Variants in PPL observed in about 807,000 individuals in gnomAD.
PPL encodes the protein 190 kDa paraneoplastic pemphigus antigen.
In PPL, 198 loss-of-function variants were observed where a neutral mutation model predicts 194.4. That is an observed-to-expected ratio of 1.02 (90% CI 0.91 to 1.15). The LOEUF (loss-of-function observed/expected upper bound fraction) is 1.15. Among genes scored for constraint, PPL ranks in the 50% most tolerant of loss-of-function variants. PPL has a pLI of 0.00. For missense variants in PPL, 2,885 were observed against 2,294.8 expected (o/e 1.26, Z -5.25); for synonymous variants, 1,220 against 972.4 (o/e 1.25, Z -4.74).
chr16:4,936,817 C>G (rs556936696), intron 1 of PPL, among the ~76,000 whole-genome samples, 167 bp downstream of exon 1: 2 of 152,210 alleles, frequency 1.3e-5, no homozygotes, highest in African/African-American at 4.8e-5. Flanking sequence ...TTCCCAGCTT[C>G]AGGGTGGCCT....
chr16:4,922,021 C>T (rs1294334055), intron 1 of PPL, among the ~76,000 whole-genome samples: 1 of 151,340 alleles, frequency 6.6e-6, no homozygotes, highest in Non-Finnish European at 1.5e-5. Context: ...GGGACCCTCG[C>T]TCTCCACCTC....
chr16:4,888,421 T>A (rs934072500), intron 19 of PPL, among the ~76,000 whole-genome samples: 4 of 152,186 alleles, frequency 2.6e-5, no homozygotes, highest in African/African-American at 9.7e-5. Flanking sequence ...AGTACATAGC[T>A]CCATCACTCA....
rs202034798 is a variant in PPL, at chr16:4,892,125, C to G, written c.1739G>C (p.Ser580Thr). 217 of 1,613,500 alleles carry G rather than the reference C, an allele frequency of 1.3e-4. 1 individual carries two copies. The East Asian group carries it at 4.5e-3, about 33-fold the overall frequency. Residue 580 changes from serine (S) to threonine (T), a missense_variant, in exon 15 of 22, where the codon AGT becomes ACT. Physicochemically the swap from Ser to Thr is moderately conservative, Grantham distance 58 (BLOSUM62 1). Coordinates refer to ENST00000345988, the MANE Select transcript of PPL (RefSeq NM_002705.5). The stretch of plus-strand genomic sequence containing the variant: ...GGTCCTCAGCAGGGGTGTGGTGCCA[C>G]TGCCTGGGAGGGCCTGGATGAAGGC... ...GEAFIQALPGSGTTPLLRTRV... is the reference protein window; with the variant it reads ...GEAFIQALPGTGTTPLLRTRV...
In PPL at chr16:4,888,101, C is replaced by T; in HGVS notation, c.2514+1G>A. The T allele has an allele frequency of 6.2e-7, 1 of 1,611,012 alleles. No homozygotes were observed. Among genetic ancestry groups the T allele is most frequent in the Non-Finnish European group, 8.5e-7 (1 of 1,177,168 alleles). On this transcript the variant is annotated splice_donor_variant, in intron 20 of 21. Transcript: ENST00000345988. LOFTEE classifies it high-confidence loss of function. ...GAGGCCGCCTGGCCCATGGAACTCACCTCTTCCTTCACTTTGGTGGCAGGA... is the reference window on the plus strand; with the variant it reads ...GAGGCCGCCTGGCCCATGGAACTCATCTCTTCCTTCACTTTGGTGGCAGGA...
At position 4,903,941 on chromosome 16, in the gene PPL, C is replaced by G. The variant is rs1265722141; in HGVS notation, c.262G>C (p.Asp88His). 1.9e-5 allele frequency: 30 copies of G among 1,614,108 alleles called. No homozygotes were observed. Among genetic ancestry groups the G allele is most frequent in the Non-Finnish European group, 2.5e-5 (30 of 1,180,036 alleles). ...SEKLLYVLEADAAIAKHMKHP... is the reference protein window; with the variant it reads ...SEKLLYVLEAHAAIAKHMKHP... ...TTCATGTGCTTGGCAATGGCCGCAT[C>G]CGCCTCTAGCACATAGAGCAGCTTC... Residue 88 changes from aspartate (D) to histidine (H), a missense_variant, in exon 3 of 22, where the codon GAT becomes CAT. Transcript: ENST00000345988.
At position 4,893,585 on chromosome 16, in the gene PPL, G is replaced by C; in HGVS notation, c.1448C>G (p.Thr483Arg). 6.2e-7 allele frequency: 1 copy of C among 1,611,326 alleles called. No individual in the cohort carries two copies. The highest frequency in any genetic ancestry group is 8.5e-7 in the Non-Finnish European group (1 of 1,179,596). Residue 483 changes from threonine (T) to arginine (R), a missense_variant, in exon 13 of 22, where the codon ACG becomes AGG. Coordinates refer to ENST00000345988, the MANE Select transcript of PPL (RefSeq NM_002705.5). ...CAGCACCTCATACCGCTGCTGCAGC[G>C]TGCGTTTGCTCCCAGCTGCCTTCTG... ...VRQKAAGSKR[T>R]LQQRYEVLKT... is the part of the protein sequence containing the mutation.
intron 1 of PPL, among the ~76,000 whole-genome samples, chr16:4,926,891 A>C (rs1293579120): frequency 8.6e-6 from 1 of 115,966 alleles, no homozygotes; most frequent in Non-Finnish European, 1.9e-5. Flanking sequence ...AAAAAAAAAA[A>C]ACAAAAAAAA....
chr16:4,918,147 G>A (rs756641391), intron 1 of PPL, among the ~76,000 whole-genome samples: 4 of 151,956 alleles, frequency 2.6e-5, no homozygotes, highest in Non-Finnish European at 5.9e-5. Context: ...ACAAAAATTA[G>A]CCAGGCATGA....
At chr16:4,935,370 G>A (rs1236273415) in intron 1 of PPL, among the ~76,000 whole-genome samples, 1 of 152,170 alleles carries the variant, frequency 6.6e-6, no homozygotes, top group Non-Finnish European at 1.5e-5. Context: ...GTGTCTGCAT[G>A]TGTGAAGGAC....
At chr16:4,928,427 C>T (rs559458796) in intron 1 of PPL, among the ~76,000 whole-genome samples, 4 of 152,314 alleles carry the variant, frequency 2.6e-5, no homozygotes, top group Non-Finnish European at 4.4e-5. Flanking sequence ...CTGGCCGCCC[C>T]GCCCATCCTT....
In PPL at chr16:4,885,124, G is replaced by A. The variant is rs969984761; in HGVS notation, c.3531C>T (p.Ile1177=). The change falls in exon 22 of 22, where the codon ATC becomes ATT. Residue 1177 remains isoleucine, a synonymous_variant. Coordinates refer to ENST00000345988, the MANE Select transcript of PPL (RefSeq NM_002705.5). This position sits in a 1 kb window ranked among gnomAD's most constrained non-coding sequence, Gnocchi z 6.3. ...TTTCCGCCTTGGGGTCTGGCCGCAC[G>A]ATCTCCCGCACCTTCTCCTGCACCA... The part of the protein sequence containing the change: ...KVVVQEKVRE[I]VRPDPKAESE... 8.7e-6 allele frequency: 14 copies of A among 1,613,784 alleles called. No homozygotes were observed. The highest frequency in any genetic ancestry group is 1.1e-5 in the Non-Finnish European group (13 of 1,180,024).
rs1219058432 is a variant in PPL at position 4,884,341 on chromosome 16, A to G, written c.4314T>C (p.Arg1438=). The change falls in exon 22 of 22, where the codon CGT becomes CGC. Residue 1438 remains arginine, a synonymous_variant. Transcript: ENST00000345988. This position sits in a 1 kb window ranked among gnomAD's most constrained non-coding sequence, Gnocchi z 5.7. ...CCTTCTGCGTATGGGTTACCTTCTCACGGGCCTCAGCTTCTTCCTGCTCCA... is the reference window on the plus strand; with the variant it reads ...CCTTCTGCGTATGGGTTACCTTCTCGCGGGCCTCAGCTTCTTCCTGCTCCA... The part of the protein sequence containing the change: ...AALEQEEAEA[R]EKVTHTQKVV... 6.2e-7 allele frequency: 1 copy of G among 1,612,204 alleles called. No individual in the cohort carries two copies. Among genetic ancestry groups the G allele is most frequent in the African/African-American group, 1.3e-5 (1 of 74,810 alleles).
At chr16:4,892,941 G>A (rs1202685975) in intron 14 of PPL, 2 of 402,770 alleles carry the variant, frequency 5.0e-6, no homozygotes, top group Non-Finnish European at 8.8e-6. Context: ...CCAGTCCTGC[G>A]GAATTCCACA....
chr16:4,905,174 C>T (rs1314188938), intron 2 of PPL, among the ~76,000 whole-genome samples: 1 of 152,142 alleles, frequency 6.6e-6, no homozygotes, highest in Non-Finnish European at 1.5e-5. Context: ...GTCCCTTCCC[C>T]TAGCTGGGTC....
intron 1 of PPL, among the ~76,000 whole-genome samples, chr16:4,923,643 G>A (rs557417211): frequency 5.9e-5 from 9 of 152,322 alleles, no homozygotes; most frequent in African/African-American, 1.9e-4. Flanking sequence ...CCAGGGCAGG[G>A]AACGTAGCCT....
chr16:4,892,976 G>T (rs1170968474), intron 14 of PPL: 6 of 482,134 alleles, frequency 1.2e-5, no homozygotes, highest in African/African-American at 1.2e-4. Context: ...CCAGGCGTCA[G>T]ATCGACAAGC....
At position 4,888,237 on chromosome 16, in the gene PPL, T is replaced by C; in HGVS notation, c.2398-19A>G. The C allele has an allele frequency of 6.5e-7, 1 of 1,535,886 alleles. No homozygotes were observed. The highest frequency in any genetic ancestry group is 1.4e-5 in the African/African-American group (1 of 73,540). On this transcript the variant is annotated intron_variant, in intron 19 of 21. Coordinates refer to ENST00000345988, the MANE Select transcript of PPL (RefSeq NM_002705.5). ...CATAGTCCTGCATGAGGGAGAGACATGGCAGAGGGGAGATTAAAACAGCTG... is the reference window on the plus strand; with the variant it reads ...CATAGTCCTGCATGAGGGAGAGACACGGCAGAGGGGAGATTAAAACAGCTG...
At chr16:4,913,205 C>G (rs574597695) in intron 1 of PPL, among the ~76,000 whole-genome samples, 1 of 152,142 alleles carries the variant, frequency 6.6e-6, no homozygotes, top group Non-Finnish European at 1.5e-5. Context: ...TACTGCCCCC[C>G]GTCCCCCAGA....
At chr16:4,912,200 C>T (rs1266359721) in intron 1 of PPL, among the ~76,000 whole-genome samples, 1 of 152,258 alleles carries the variant, frequency 6.6e-6, no homozygotes, top group African/African-American at 2.4e-5. Context: ...CACAAGCTGT[C>T]ACTCCCTATT....
Sources: gnomAD v4.1 joint callset for allele counts (sites outside exome capture counted in the v4.1 genomes callset) on GRCh38, gnomAD v4.1.1 for gene constraint, Gnocchi (gnomAD v3.1) non-coding constraint, MANE v1.5 for transcripts, NCBI Gene and HGNC (gene_info 2026-07-23, HGNC 2026-07-21) for gene names.